Variants in MTUS2 observed in about 807,000 individuals in gnomAD.
The protein encoded by MTUS2 is microtubule associated scaffold protein 2.
Under a neutral mutation model 114.1 loss-of-function variants are expected in MTUS2, and 40 were observed. That is an observed-to-expected ratio of 0.35 (90% CI 0.27 to 0.46). The LOEUF is 0.46. Among genes scored for constraint, MTUS2 ranks in the 20% least tolerant of loss-of-function variants. The pLI, the probability that MTUS2 is intolerant of heterozygous loss-of-function variation, is 1.00. For synonymous variants in MTUS2, 688 were observed against 672.0 expected, an observed-to-expected ratio of 1.02 and a Z score of -0.37; for missense variants, 1,679 against 1,705.4, an observed-to-expected ratio of 0.98 and a Z score of 0.27.
Position 29,131,316 on chromosome 13 carries a change from A to T in MTUS2, c.2644+30346A>T, listed in dbSNP as rs188281962. On this transcript the variant is annotated intron_variant, in intron 5 of 15. Transcript: ENST00000612955. ...TGGAGATTGACAGAACCTTGTTTTG[A>T]ATCCCAGTCTTACTGACTCAAAAGC... Among the ~76,000 whole-genome samples, 136 of 152,360 alleles carry T rather than the reference A, an allele frequency of 8.9e-4. 1 individual carries two copies. The highest frequency in any genetic ancestry group is 3.3e-3 in the East Asian group (17 of 5,194).
chr13:29,336,147 C>T (rs11839929), intron 7 of MTUS2, among the ~76,000 whole-genome samples: 11,498 of 152,168 alleles, frequency 0.076, 1,379 homozygotes, highest in African/African-American at 0.25. Context: ...TCTGTCAGTT[C>T]GTCGAACTCA....
At chr13:29,347,879 C>G (rs926102744) in intron 7 of MTUS2, among the ~76,000 whole-genome samples, 2 of 150,002 alleles carry the variant, frequency 1.3e-5, no homozygotes, top group African/African-American at 4.9e-5. Context: ...TTACATTTAC[C>G]AGTTTATTAT....
rs758765717 is a variant in MTUS2 at position 29,498,406 on chromosome 13, C to A, written c.3679-12C>A. ...ATCCTGGTCAACAGCTCATGGCTCT[C>A]TGCCTCTGTAGATTGCATTGGCTCC... On this transcript the variant is annotated splice_polypyrimidine_tract_variant and intron_variant, in intron 13 of 15. Transcript: ENST00000612955. 3 of 1,613,700 alleles carry A rather than the reference C, an allele frequency of 1.9e-6. 1 individual carries two copies. In the South Asian group the frequency reaches 3.3e-5, roughly 18 times the overall value.
chr13:29,441,704 CTCACCACCCT>C (rs1468075885), intron 9 of MTUS2, among the ~76,000 whole-genome samples: 1 of 152,124 alleles, frequency 6.6e-6, no homozygotes, highest in African/African-American at 2.4e-5. Context: ...TAAGGAAGGA[CTCACCACCCT>C]TCACCCGTGG....
chr13:29,337,647 A>C (rs1901141552), intron 7 of MTUS2, among the ~76,000 whole-genome samples: 1 of 150,444 alleles, frequency 6.6e-6, no homozygotes, highest in Non-Finnish European at 1.5e-5. Context: ...GGTCACCCAG[A>C]CTGGAGTGCA....
intron 7 of MTUS2, among the ~76,000 whole-genome samples, chr13:29,332,395 C>T (rs1324906527): frequency 2.0e-5 from 3 of 152,100 alleles, no homozygotes; most frequent in Non-Finnish European, 2.9e-5. Flanking sequence ...TCTGTGGGAT[C>T]AGTGGTGATA....
At chr13:29,029,148 T>C (rs1886697771) in intron 3 of MTUS2, among the ~76,000 whole-genome samples, 1 of 152,212 alleles carries the variant, frequency 6.6e-6, no homozygotes, top group South Asian at 2.1e-4. Flanking sequence ...CCCTGTGTTC[T>C]GACTCTGGGC....
chr13:29,394,220 T>G (rs1873730993), intron 8 of MTUS2, among the ~76,000 whole-genome samples: 1 of 152,172 alleles, frequency 6.6e-6, no homozygotes, highest in Admixed American at 6.5e-5. Flanking sequence ...TGAGAACATG[T>G]GCCCAAGGTG....
intron 2 of MTUS2, among the ~76,000 whole-genome samples, chr13:28,911,173 CTTTT>C (rs35468877): frequency 3.8e-5 from 3 of 79,638 alleles, no homozygotes; most frequent in South Asian, 8.1e-4. Context: ...CTGCGCCCTG[CTTTT>C]TTTTTTTTTT....
At chr13:28,999,145 T>C (rs996582491) in intron 2 of MTUS2, among the ~76,000 whole-genome samples, 1 of 152,232 alleles carries the variant, frequency 6.6e-6, no homozygotes, top group Admixed American at 6.5e-5. Context: ...TGGAGTTTGC[T>C]GGAGGTCCAC....
intron 4 of MTUS2, among the ~76,000 whole-genome samples, chr13:29,080,125 A>G: frequency 6.6e-6 from 1 of 152,214 alleles, no homozygotes; most frequent in East Asian, 1.9e-4. Context: ...TGTTAAATTT[A>G]TACCTGTTGT....
chr13:29,432,964 A>G (rs1877119208), intron 8 of MTUS2, among the ~76,000 whole-genome samples: 2 of 152,364 alleles, frequency 1.3e-5, no homozygotes, highest in South Asian at 4.1e-4. Flanking sequence ...TTAGAGGAAG[A>G]TAGAATCCAG....
intron 2 of MTUS2, among the ~76,000 whole-genome samples, chr13:29,007,322 C>T (rs866052469): frequency 1.3e-5 from 2 of 152,098 alleles, no homozygotes; most frequent in Non-Finnish European, 2.9e-5. Context: ...ATTTCAACTC[C>T]TACTCCCCAG....
At chr13:29,290,363 T>A (rs1355810289) in intron 6 of MTUS2, among the ~76,000 whole-genome samples, 3 of 152,160 alleles carry the variant, frequency 2.0e-5, no homozygotes, top group Non-Finnish European at 4.4e-5. Context: ...GGAGTCTTGC[T>A]CTGTCTCCCA....
At chr13:28,967,401 C>G (rs184868064) in intron 2 of MTUS2, among the ~76,000 whole-genome samples, 160 of 152,226 alleles carry the variant, frequency 1.1e-3, no homozygotes, top group African/African-American at 3.7e-3. Context: ...ATTGGACTTA[C>G]AGTGTGTCTT....
intron 5 of MTUS2, among the ~76,000 whole-genome samples, chr13:29,248,256 AG>A (rs945585607): frequency 6.2e-5 from 9 of 144,388 alleles, no homozygotes; most frequent in East Asian, 2.3e-4. Context: ...GAAGGGTGGG[AG>A]GGGGGTCATG....
At chr13:29,120,391 T>C (rs984097816) in intron 5 of MTUS2, among the ~76,000 whole-genome samples, 5 of 152,080 alleles carry the variant, frequency 3.3e-5, no homozygotes, top group Non-Finnish European at 5.9e-5. Context: ...ATATCCATGA[T>C]TATTTAAATG....
intron 9 of MTUS2, among the ~76,000 whole-genome samples, chr13:29,476,341 A>G (rs778190498): frequency 5.9e-5 from 8 of 135,708 alleles, no homozygotes; most frequent in Non-Finnish European, 1.1e-4. Context: ...GTGTTTGTAT[A>G]TACAACAGTG....
chr13:29,002,243 C>A (rs543185634), intron 2 of MTUS2, among the ~76,000 whole-genome samples: 8 of 152,302 alleles, frequency 5.3e-5, no homozygotes, highest in Admixed American at 2.6e-4. Flanking sequence ...TGTCACTCAT[C>A]ACTCAGCAAA....
Sources: allele counts gnomAD v4.1 joint callset (sites outside exome capture counted in the v4.1 genomes callset), GRCh38; gene constraint gnomAD v4.1.1; transcripts MANE v1.5; gene names NCBI Gene and HGNC (gene_info 2026-07-23, HGNC 2026-07-21).